Variants in HDHD3 observed in about 807,000 individuals in gnomAD.
The protein encoded by HDHD3 is haloacid dehalogenase like hydrolase domain containing 3.
In HDHD3, 6 loss-of-function variants were observed where a neutral mutation model predicts 6.9. The observed-to-expected ratio is 0.87, with a 90% CI of 0.48 to 1.72. HDHD3 has a LOEUF of 1.72. Ranked by LOEUF, HDHD3 falls within the 40% of genes most tolerant of loss-of-function variation. HDHD3 has a pLI of 0.01. For missense variants in HDHD3, 308 were observed against 327.4 expected (o/e 0.94, Z 0.46); for synonymous variants, 139 against 140.7 (o/e 0.99, Z 0.08).
chr9:113,374,180 T>C lies in HDHD3; in HGVS notation c.175A>G (p.Ser59Gly). ...TGGCTCAGGCCGTAGTTGGGGAAGC[T>C]GTGGCTCTGAGCCCTGTATGCCTGC... ...FRQAYRAQSH[S>G]FPNYGLSHGL... is the part of the protein sequence containing the mutation. The change falls in exon 3 of 3, where the codon AGC (serine) becomes GGC (glycine). Residue 59 changes from serine to glycine, a missense_variant. Ser to Gly is a moderately conservative substitution (Grantham distance 56). Transcript: ENST00000374180. The C allele has an allele frequency of 2.5e-6, 4 of 1,599,014 alleles. No homozygotes were observed. The highest frequency in any genetic ancestry group is 2.6e-6 in the Non-Finnish European group (3 of 1,169,190).
In HDHD3 at chr9:113,374,026, G is replaced by A; in HGVS notation, c.329C>T (p.Thr110Ile). 3.1e-6 allele frequency: 5 copies of A among 1,614,164 alleles called. No homozygotes were observed. The highest frequency in any genetic ancestry group is 4.2e-6 in the Non-Finnish European group (5 of 1,179,986). The stretch of plus-strand genomic sequence containing the variant: ...CTCAGCCCCATCCAACACCTGCCAG[G>A]TGCAGGGGTGGCTGAAGTCTTTATA... ...QLYKDFSHPC[T>I]WQVLDGAEDT... The change falls in exon 3 of 3, where the codon ACC becomes ATC. Residue 110 changes from threonine to isoleucine, a missense_variant. Physicochemically the swap from Thr to Ile is moderately conservative, Grantham distance 89 (BLOSUM62 -1). Coordinates refer to ENST00000374180, the MANE Select transcript of HDHD3 (RefSeq NM_001304509.2).
Position 113,373,761 on chromosome 9 carries a change from G to C in HDHD3, c.594C>G (p.Tyr198Ter). The change falls in exon 3 of 3, where the codon TAC becomes TAG. Residue 198 changes from tyrosine (Y) to a stop codon, truncating the protein, a stop_gained. Transcript: ENST00000374180. LOFTEE classifies it high-confidence loss of function. ...AHVGDNYLCD[Y>*]QGPRAVGMHS... ...GCATGCCCACAGCCCGAGGCCCCTG[G>C]TAATCGCAGAGGTAATTATCCCCAA... 6.2e-7 allele frequency: 1 copy of C among 1,613,218 alleles called. No individual in the cohort carries two copies. The highest frequency in any genetic ancestry group is 1.1e-5 in the South Asian group (1 of 90,964).
intron 1 of HDHD3, among the ~76,000 whole-genome samples, 190 bp downstream of exon 1, chr9:113,376,539 G>T (rs1376267651): frequency 1.5e-5 from 2 of 130,108 alleles, no homozygotes; most frequent in East Asian, 3.0e-4. Context: ...GTGGAGACGG[G>T]GTTTCAACTA....
intron 1 of HDHD3, 166 bp from the exon 2 acceptor site, chr9:113,375,733 C>T (rs3747816): frequency 0.21 from 32,054 of 152,152 alleles, 3,591 homozygotes; most frequent in East Asian, 0.34. Flanking sequence ...AGCCTGCTAT[C>T]CAGAGGCTGG....
At position 113,373,655 on chromosome 9, in the gene HDHD3, G is replaced by T; in HGVS notation, c.700C>A (p.Leu234Met). 6.2e-7 allele frequency: 1 copy of T among 1,611,780 alleles called. No individual in the cohort carries two copies. The highest frequency in any genetic ancestry group is 8.5e-7 in the Non-Finnish European group (1 of 1,178,756). ...SVPKEHILPS[L>M]AHLLPALDCL... is the part of the protein sequence containing the mutation. ...TCAAGGGCAGGCAGGAGATGGGCCA[G>T]AGAGGGGAGGATGTGTTCTTTAGGT... is the stretch of plus-strand genomic sequence containing the variant. The change falls in exon 3 of 3, where the codon CTG (leucine) becomes ATG (methionine). Residue 234 changes from leucine (L) to methionine (M), a missense_variant. Transcript: ENST00000374180.
At chr9:113,375,783 G>C (rs1208007406) in intron 1 of HDHD3, 3 of 152,158 alleles carry the variant, frequency 2.0e-5, no homozygotes, top group Admixed American at 6.5e-5. Flanking sequence ...CCCAGACAAG[G>C]CCGTCCCCTT....
In HDHD3 at chr9:113,374,152, C is replaced by T. The variant is rs1219221572; in HGVS notation, c.203G>A (p.Gly68Asp). Residue 68 changes from glycine to aspartate, a missense_variant, in exon 3 of 3, where the codon GGC (glycine) becomes GAC (aspartate). Gly to Asp is a moderately conservative substitution (Grantham distance 94, BLOSUM62 -1). Coordinates refer to ENST00000374180, the MANE Select transcript of HDHD3 (RefSeq NM_001304509.2). The stretch of plus-strand genomic sequence containing the variant: ...CAGCCACCACTGGCGGGAGGTTAGG[C>T]CGTGGCTCAGGCCGTAGTTGGGGAA... ...HSFPNYGLSH[G>D]LTSRQWWLDV... 4 of 1,596,164 alleles carry T rather than the reference C, an allele frequency of 2.5e-6. No homozygotes were observed. Among genetic ancestry groups the T allele is most frequent in the Non-Finnish European group, 2.6e-6 (3 of 1,166,908 alleles).
chr9:113,376,705 G>A (rs1209097526), intron 1 of HDHD3, 24 bp downstream of exon 1: 1 of 151,978 alleles, frequency 6.6e-6, no homozygotes, highest in East Asian at 1.9e-4. Flanking sequence ...TTGGGGCTCT[G>A]CGCTGCAGGC....
At position 113,376,935 on chromosome 9, in the gene HDHD3, A is replaced by G. The variant is rs1230665820; in HGVS notation, c.-497T>C. On this transcript the variant is annotated 5_prime_UTR_variant, in exon 1 of 3. Transcript: ENST00000374180. ...TGGGCCCAGGACCCACCTGACTCAC[A>G]AGGAAGCAGATTGAAAACGCAGCCG... The G allele has an allele frequency of 1.3e-5, 2 of 152,152 alleles. No homozygotes were observed. Among genetic ancestry groups the G allele is most frequent in the Non-Finnish European group, 1.5e-5 (1 of 68,088 alleles). 9.4% of individuals were successfully genotyped at this position (152,152 alleles called of 1,614,324 possible). A position where few individuals can be genotyped will look rare whatever the true frequency, so the allele number is the denominator to read the frequency against.
In HDHD3 at chr9:113,374,167, T is replaced by C. The variant is rs770228580; in HGVS notation, c.188A>G (p.Tyr63Cys). 1.3e-6 allele frequency: 2 copies of C among 1,596,410 alleles called. No individual in the cohort carries two copies. Among genetic ancestry groups the C allele is most frequent in the Admixed American group, 3.4e-5 (2 of 59,432 alleles). ...GGAGGTTAGGCCGTGGCTCAGGCCG[T>C]AGTTGGGGAAGCTGTGGCTCTGAGC... ...YRAQSHSFPN[Y>C]GLSHGLTSRQ... The change falls in exon 3 of 3, where the codon TAC becomes TGC. Residue 63 changes from tyrosine (Y) to cysteine (C), a missense_variant. Physicochemically the swap from Tyr to Cys is radical, Grantham distance 194 (BLOSUM62 -2). Coordinates refer to ENST00000374180, the MANE Select transcript of HDHD3 (RefSeq NM_001304509.2).
chr9:113,374,039 TG>T lies in HDHD3; in HGVS notation c.315del (p.Phe105LeufsTer17). 6.2e-7 allele frequency: 1 copy of T among 1,614,132 alleles called. No individual in the cohort carries two copies. Among genetic ancestry groups the T allele is most frequent in the Non-Finnish European group, 8.5e-7 (1 of 1,179,988 alleles). On this transcript the variant is annotated frameshift_variant, in exon 3 of 3. Coordinates refer to ENST00000374180, the MANE Select transcript of HDHD3 (RefSeq NM_001304509.2). LOFTEE classifies it high-confidence loss of function. ...APIAEQLYKD[F>X]SHPCTWQVLD... Reference sequence around the variant, plus strand: ...AACACCTGCCAGGTGCAGGGGTGGCTGAAGTCTTTATAAAGCTGTTCAGCGA... The same window carrying T: ...AACACCTGCCAGGTGCAGGGGTGGCTAAGTCTTTATAAAGCTGTTCAGCGA...
chr9:113,376,346 CTTT>C (rs1264162346), intron 1 of HDHD3, among the ~76,000 whole-genome samples: 2 of 92,186 alleles, frequency 2.2e-5, no homozygotes, highest in African/African-American at 1.2e-4. Context: ...ACCCGGCCGG[CTTT>C]TTTTCTTTTT....
rs753233377 is a variant in HDHD3 at position 113,374,158 on chromosome 9, C to G, written c.197G>C (p.Ser66Thr). 1 of 1,595,542 alleles carries G rather than the reference C, an allele frequency of 6.3e-7. No homozygotes were observed. Among genetic ancestry groups the G allele is most frequent in the Non-Finnish European group, 8.6e-7 (1 of 1,166,526 alleles). Residue 66 changes from serine to threonine, a missense_variant, in exon 3 of 3, where the codon AGC becomes ACC. Ser to Thr is a moderately conservative substitution (Grantham distance 58). Coordinates refer to ENST00000374180, the MANE Select transcript of HDHD3 (RefSeq NM_001304509.2). ...CCACTGGCGGGAGGTTAGGCCGTGG[C>G]TCAGGCCGTAGTTGGGGAAGCTGTG... is the stretch of plus-strand genomic sequence containing the variant. ...QSHSFPNYGL[S>T]HGLTSRQWWL...
intron 2 of HDHD3, among the ~76,000 whole-genome samples, chr9:113,375,024 C>T (rs544780179): frequency 1.3e-4 from 19 of 151,676 alleles, no homozygotes; most frequent in Admixed American, 7.2e-4. Context: ...CCACCATGCC[C>T]GGCTAATTTT....
At position 113,374,414 on chromosome 9, in the gene HDHD3, C is replaced by A; in HGVS notation, c.-60G>T. ...GTCCCACGGTGGGTCCCAGGGGAAG[C>A]TGAGCTGGATAAGACCACCTCTGCG... On this transcript the variant is annotated 5_prime_UTR_variant, in exon 3 of 3. Coordinates refer to ENST00000374180, the MANE Select transcript of HDHD3 (RefSeq NM_001304509.2). The A allele has an allele frequency of 6.9e-7, 1 of 1,459,842 alleles. No individual in the cohort carries two copies. Among genetic ancestry groups the A allele is most frequent in the African/African-American group, 1.4e-5 (1 of 71,142 alleles). 90.4% of individuals were successfully genotyped at this position (1,459,842 alleles called of 1,614,324 possible).
chr9:113,374,553 G>A (rs1834417610), intron 2 of HDHD3, 24 bp from the exon 3 acceptor site: 3 of 449,038 alleles, frequency 6.7e-6, no homozygotes, highest in African/African-American at 5.9e-5. Flanking sequence ...TAGCAGGTAA[G>A]GTGGAAGCTC....
chr9:113,374,931 A>G (rs762000823), intron 2 of HDHD3, among the ~76,000 whole-genome samples: 18 of 151,988 alleles, frequency 1.2e-4, no homozygotes, highest in Non-Finnish European at 2.5e-4. Flanking sequence ...GCTGGAGTGC[A>G]TGGCTCATTG....
chr9:113,374,429 C>T lies in HDHD3; in HGVS notation c.-75G>A. ...CCAGGGGAAGCTGAGCTGGATAAGA[C>T]CACCTCTGCGCAACCTAACAATCAC... is the stretch of plus-strand genomic sequence containing the variant. On this transcript the variant is annotated 5_prime_UTR_variant, in exon 3 of 3. Coordinates refer to ENST00000374180, the MANE Select transcript of HDHD3 (RefSeq NM_001304509.2). 7.2e-7 allele frequency: 1 copy of T among 1,381,596 alleles called. No homozygotes were observed. The highest frequency in any genetic ancestry group is 9.6e-7 in the Non-Finnish European group (1 of 1,037,564). 85.6% of individuals were successfully genotyped at this position (1,381,596 alleles called of 1,614,324 possible).
intron 2 of HDHD3, 42 bp from the exon 3 acceptor site, chr9:113,374,571 GA>G (rs1834417934): frequency 1.4e-5 from 6 of 423,620 alleles, no homozygotes; most frequent in Non-Finnish European, 2.5e-5. Flanking sequence ...CTCAGGCCCT[GA>G]CATCAGACAG....
Sources: allele counts gnomAD v4.1 joint callset (sites outside exome capture counted in the v4.1 genomes callset), GRCh38; gene constraint gnomAD v4.1.1; transcripts MANE v1.5; gene names NCBI Gene and HGNC (gene_info 2026-07-23, HGNC 2026-07-21).